Variants in GOLGA8J observed in about 807,000 individuals in gnomAD.
GOLGA8J encodes the protein golgin subfamily A member 8J.
Under a neutral mutation model 67.7 loss-of-function variants are expected in GOLGA8J, and 19 were observed. That is an observed-to-expected ratio of 0.28 (90% CI 0.20 to 0.41). The LOEUF is 0.41. GOLGA8J is among the 10% of genes least tolerant of loss of function. The pLI is 1.00. For synonymous variants in GOLGA8J, 69 were observed against 215.9 expected, an observed-to-expected ratio of 0.32 and a Z score of 5.97; for missense variants, 205 against 584.3, an observed-to-expected ratio of 0.35 and a Z score of 6.69.
rs1204032934 is a variant in GOLGA8J, at chr15:30,085,002, G to C, written c.168+112G>C. ...GTACTGGTTAAGAATTCTGGCTTTA[G>C]CCGGGTGTGGTGGCCCACGCCTGTA... is the stretch of plus-strand genomic sequence containing the variant. On this transcript the variant is annotated intron_variant, in intron 2 of 18. Transcript: ENST00000567927. 7 of 1,187,580 alleles carry C rather than the reference G, an allele frequency of 5.9e-6. No individual in the cohort carries two copies. The East Asian group carries it at 1.9e-4, about 32-fold the overall frequency. The allele number at this position is 1,187,580 out of a possible 1,614,324, so 73.6% of individuals were successfully genotyped here. A position where few individuals can be genotyped will look rare whatever the true frequency, so the allele number is the denominator to read the frequency against.
At chr15:30,088,072 T>C in intron 8 of GOLGA8J, 1 of 491,300 alleles carries the variant, frequency 2.0e-6, no homozygotes, top group Non-Finnish European at 3.8e-6. Flanking sequence ...TGTGTGTGTG[T>C]GTGTGTGCAT....
chr15:30,088,543 C>T (rs1454185031), intron 8 of GOLGA8J, among the ~76,000 whole-genome samples, 197 bp from the exon 9 acceptor site: 1 of 147,644 alleles, frequency 6.8e-6, no homozygotes, highest in Non-Finnish European at 1.5e-5. Flanking sequence ...CCTCTGTTAG[C>T]CAGCTATAAA....
chr15:30,096,258 G>A lies in GOLGA8J; in HGVS notation c.*2759G>A, dbSNP rs1487825892. On this transcript the variant is annotated 3_prime_UTR_variant, in exon 19 of 19. Coordinates refer to ENST00000567927, the MANE Select transcript of GOLGA8J (RefSeq NM_001282472.2). Reference sequence around the variant, plus strand: ...ATTTTAAAAGTATTTGATTCAACCTGATAATTTTCCAGAAATGAAAAAAAA... The same window carrying A: ...ATTTTAAAAGTATTTGATTCAACCTAATAATTTTCCAGAAATGAAAAAAAA... Among the ~76,000 whole-genome samples the A allele has an allele frequency of 4.0e-5, 6 of 149,386 alleles. No individual in the cohort carries two copies. The highest frequency in any genetic ancestry group is 1.5e-4 in the African/African-American group (6 of 40,090).
In GOLGA8J at chr15:30,095,057, G is replaced by T. The variant is rs188571213; in HGVS notation, c.*1558G>T. ...GCAATATTTATGTGATTGTGCCTAT[G>T]CATGATGAATGAATACATTTCAGTT... On this transcript the variant is annotated 3_prime_UTR_variant, in exon 19 of 19. Transcript: ENST00000567927. Among the ~76,000 whole-genome samples the T allele has an allele frequency of 4.4e-3, 642 of 147,370 alleles. 34 individuals carry two copies. Among genetic ancestry groups the T allele is most frequent in the Middle Eastern group, 0.01 (3 of 292 alleles).
intron 2 of GOLGA8J, 47 bp downstream of exon 2, chr15:30,084,937 C>T (rs1347864641): frequency 6.7e-7 from 1 of 1,494,462 alleles, no homozygotes; most frequent in South Asian, 1.2e-5. Flanking sequence ...GCCCAAGGGG[C>T]AGTAGAGGGT....
At position 30,094,906 on chromosome 15, in the gene GOLGA8J, C is replaced by T. The variant is rs1382453780; in HGVS notation, c.*1407C>T. On this transcript the variant is annotated 3_prime_UTR_variant, in exon 19 of 19. Coordinates refer to ENST00000567927, the MANE Select transcript of GOLGA8J (RefSeq NM_001282472.2). ...ACAAACTGCAGTGCAATCTACTGTT[C>T]GTGAATGTCAATGTATTATCAGGAA... Among the ~76,000 whole-genome samples the T allele has an allele frequency of 7.2e-6, 1 of 137,946 alleles. No individual in the cohort carries two copies. The highest frequency in any genetic ancestry group is 1.5e-5 in the Non-Finnish European group (1 of 66,448). The allele number at this position is 137,946 out of a possible 152,430, so 90.5% of individuals were successfully genotyped here. A position where few individuals can be genotyped will look rare whatever the true frequency, so the allele number is the denominator to read the frequency against.
intron 2 of GOLGA8J, among the ~76,000 whole-genome samples, chr15:30,085,249 C>T (rs2057337941): frequency 1.1e-5 from 1 of 91,812 alleles, no homozygotes; most frequent in South Asian, 3.9e-4. Context: ...CCACTGCACT[C>T]CAGCCTGGTG....
intron 13 of GOLGA8J, 117 bp from the exon 14 acceptor site, chr15:30,091,418 C>G: frequency 1.0e-6 from 1 of 971,236 alleles, no homozygotes. Flanking sequence ...AAAGCGGTGG[C>G]TGAGATGGCC....
chr15:30,094,203 C>T lies in GOLGA8J; in HGVS notation c.*704C>T, dbSNP rs78517004. On this transcript the variant is annotated 3_prime_UTR_variant, in exon 19 of 19. Transcript: ENST00000567927. The stretch of plus-strand genomic sequence containing the variant: ...AGTGTGTTTCATCTGTTCCGGTGCC[C>T]GGAATTAGCAGTGTATTATGGTGGT... Among the ~76,000 whole-genome samples the T allele has an allele frequency of 2.2e-4, 31 of 139,320 alleles. 1 individual carries two copies. Among genetic ancestry groups the T allele is most frequent in the Non-Finnish European group, 3.1e-4 (21 of 66,758 alleles). The allele number at this position is 139,320 out of a possible 152,430, so 91.4% of individuals were successfully genotyped here.
At position 30,094,986 on chromosome 15, in the gene GOLGA8J, A is replaced by T. The variant is rs2057454126; in HGVS notation, c.*1487A>T. Among the ~76,000 whole-genome samples the T allele has an allele frequency of 7.0e-6, 1 of 143,856 alleles. No homozygotes were observed. The highest frequency in any genetic ancestry group is 1.5e-5 in the Non-Finnish European group (1 of 67,194). The allele number at this position is 143,856 out of a possible 152,430, so 94.4% of individuals were successfully genotyped here. On this transcript the variant is annotated 3_prime_UTR_variant, in exon 19 of 19. Coordinates refer to ENST00000567927, the MANE Select transcript of GOLGA8J (RefSeq NM_001282472.2). ...TTCTCACAGACTTCTTTACAAAGTG[A>T]AATATGTTTTTGTACCTCTGGGTTT...
rs992784989 is a variant in GOLGA8J at position 30,095,165 on chromosome 15, C to T, written c.*1666C>T. Reference sequence around the variant, plus strand: ...TCATGAAGTTCTAATGTCTGTGTTCCAAAACACATCACATTGTTAGGATGC... The same window carrying T: ...TCATGAAGTTCTAATGTCTGTGTTCTAAAACACATCACATTGTTAGGATGC... On this transcript the variant is annotated 3_prime_UTR_variant, in exon 19 of 19. Transcript: ENST00000567927. Among the ~76,000 whole-genome samples, 28 of 143,676 alleles carry T rather than the reference C, an allele frequency of 1.9e-4. No homozygotes were observed. Among genetic ancestry groups the T allele is most frequent in the Non-Finnish European group, 3.6e-4 (24 of 66,834 alleles). 94.3% of individuals were successfully genotyped at this position (143,676 alleles called of 152,430 possible).
chr15:30,088,117 G>A (rs1317802754), intron 8 of GOLGA8J: 3 of 411,668 alleles, frequency 7.3e-6, no homozygotes, highest in African/African-American at 4.7e-5. Flanking sequence ...GTCTGCAAGG[G>A]TTCATAAAAA....
Position 30,094,280 on chromosome 15 carries a change from C to A in GOLGA8J, c.*781C>A, listed in dbSNP as rs1476989152. ...GCTCATGAAGATACTGCATCATGAG[C>A]TGCAGCAGTTGTACTCTTTTTCGAT... On this transcript the variant is annotated 3_prime_UTR_variant, in exon 19 of 19. Transcript: ENST00000567927. Among the ~76,000 whole-genome samples the A allele has an allele frequency of 6.8e-6, 1 of 146,686 alleles. No homozygotes were observed. Among genetic ancestry groups the A allele is most frequent in the African/African-American group, 2.7e-5 (1 of 37,516 alleles).
At position 30,088,522 on chromosome 15, in the gene GOLGA8J, A is replaced by T. The variant is rs1231511155; in HGVS notation, c.592-218A>T. 2.0e-5 allele frequency among the ~76,000 whole-genome samples: 3 copies of T among 147,090 alleles called. 1 individual carries two copies. The highest frequency in any genetic ancestry group is 7.7e-5 in the African/African-American group (3 of 38,710). Reference sequence around the variant, plus strand: ...GTAATAACAATAGCAATATTATCTGATCTCTCTGGGCCTCTGTTAGCCAGC... The same window carrying T: ...GTAATAACAATAGCAATATTATCTGTTCTCTCTGGGCCTCTGTTAGCCAGC... On this transcript the variant is annotated intron_variant, in intron 8 of 18. Coordinates refer to ENST00000567927, the MANE Select transcript of GOLGA8J (RefSeq NM_001282472.2).
rs2057445983 is a variant in GOLGA8J at position 30,094,229 on chromosome 15, T to G, written c.*730T>G. The stretch of plus-strand genomic sequence containing the variant: ...GGAATTAGCAGTGTATTATGGTGGT[T>G]CCCTTAGGATTTGTATGTGCTCTGG... On this transcript the variant is annotated 3_prime_UTR_variant, in exon 19 of 19. Coordinates refer to ENST00000567927, the MANE Select transcript of GOLGA8J (RefSeq NM_001282472.2). Among the ~76,000 whole-genome samples, 5 of 143,322 alleles carry G rather than the reference T, an allele frequency of 3.5e-5. No individual in the cohort carries two copies. Among genetic ancestry groups the G allele is most frequent in the South Asian group, 4.3e-4 (2 of 4,626 alleles). 94.0% of individuals were successfully genotyped at this position (143,322 alleles called of 152,430 possible). A position where few individuals can be genotyped will look rare whatever the true frequency, so the allele number is the denominator to read the frequency against.
chr15:30,089,910 A>G lies in GOLGA8J; in HGVS notation c.1085A>G (p.Lys362Arg), dbSNP rs1171296710. 5 of 1,513,158 alleles carry G rather than the reference A, an allele frequency of 3.3e-6. No individual in the cohort carries two copies. Among genetic ancestry groups the G allele is most frequent in the Middle Eastern group, 2.3e-4 (1 of 4,282 alleles). 93.7% of individuals were successfully genotyped at this position (1,513,158 alleles called of 1,614,324 possible). The stretch of plus-strand genomic sequence containing the variant: ...GAGGAGAGGATTCAGGAGCAGCACA[A>G]GAGCCTTCAGCAGCTGGCCAAGCCA... ...KQEERIQEQH[K>R]SLQQLAKPQS... The change falls in exon 12 of 19, where the codon AAG becomes AGG. Residue 362 changes from lysine to arginine, a missense_variant. By Grantham distance (26) the Lys-to-Arg change is conservative. Transcript: ENST00000567927.
chr15:30,084,991 T>C, intron 2 of GOLGA8J, 101 bp downstream of exon 2: 1 of 1,365,610 alleles, frequency 7.3e-7, no homozygotes, highest in Non-Finnish European at 9.4e-7. Context: ...TGGTTAAGAA[T>C]TCTGGCTTTA....
chr15:30,096,369 A>C lies in GOLGA8J; in HGVS notation c.*2870A>C, dbSNP rs1218209750. On this transcript the variant is annotated 3_prime_UTR_variant, in exon 19 of 19. Transcript: ENST00000567927. ...CATAATATAGTTTCTCTAAAACTTTATTTTAAAGAGTCATTTTAAAATAAT... is the reference window on the plus strand; with the variant it reads ...CATAATATAGTTTCTCTAAAACTTTCTTTTAAAGAGTCATTTTAAAATAAT... 1.3e-5 allele frequency among the ~76,000 whole-genome samples: 2 copies of C among 150,490 alleles called. No individual in the cohort carries two copies. Among genetic ancestry groups the C allele is most frequent in the African/African-American group, 2.5e-5 (1 of 40,218 alleles).
chr15:30,090,363 A>T, intron 13 of GOLGA8J, 83 bp downstream of exon 13: 2 of 1,494,356 alleles, frequency 1.3e-6, no homozygotes, highest in Non-Finnish European at 1.8e-6. Flanking sequence ...GTGCCAGGCC[A>T]GAGGCAGCTT....
Sources: gnomAD v4.1 joint callset for allele counts (sites outside exome capture counted in the v4.1 genomes callset) on GRCh38, gnomAD v4.1.1 for gene constraint, MANE v1.5 for transcripts, NCBI Gene and HGNC (gene_info 2026-07-23, HGNC 2026-07-21) for gene names.